Variants in ELL observed in about 807,000 individuals in gnomAD.
ELL encodes elongation factor for RNA polymerase II.
A neutral mutation model predicts 64.0 loss-of-function variants in ELL; 18 were observed. That is an observed-to-expected ratio of 0.28 (90% CI 0.19 to 0.42). The LOEUF (loss-of-function observed/expected upper bound fraction) is 0.42, where lower values mean the gene tolerates loss of function less well. ELL is among the 10% of genes least tolerant of loss of function. ELL has a pLI of 1.00. For synonymous variants in ELL, 399 were observed against 376.2 expected (o/e 1.06, Z -0.70); for missense variants, 797 against 870.4 (o/e 0.92, Z 1.06).
chr19:18,518,549 G>A (rs1976180032), intron 1 of ELL, among the ~76,000 whole-genome samples: 1 of 151,720 alleles, frequency 6.6e-6, no homozygotes, highest in African/African-American at 2.4e-5. Flanking sequence ...CAGCACTTTG[G>A]GAGGCTGAGG....
At chr19:18,480,130 G>A (rs1975266667) in intron 1 of ELL, among the ~76,000 whole-genome samples, 1 of 152,220 alleles carries the variant, frequency 6.6e-6, no homozygotes, top group South Asian at 2.1e-4. Context: ...ACAGAGCTGG[G>A]TCACCCTGCC....
In ELL at chr19:18,522,055, T is replaced by TCTTGCGACCATCTCTCC; in HGVS notation, c.-1_1insGGAGAGATGGTCGCAAG. 6.2e-7 allele frequency: 1 copy of TCTTGCGACCATCTCTCC among 1,600,236 alleles called. No homozygotes were observed. Among genetic ancestry groups the TCTTGCGACCATCTCTCC allele is most frequent in the Non-Finnish European group, 8.5e-7 (1 of 1,172,196 alleles). On this transcript the variant is annotated 5_prime_UTR_variant, in exon 1 of 12. Transcript: ENST00000262809. ...CTCCTATCCTCCTTCAGCGCCGCCA[T>TCTTGCGACCATCTCTCC]CTTGCGACCATCTCTCCCCCGCGCC... is the stretch of plus-strand genomic sequence containing the variant.
intron 8 of ELL, among the ~76,000 whole-genome samples, chr19:18,447,430 G>T (rs1462455570): frequency 1.3e-5 from 2 of 152,244 alleles, no homozygotes; most frequent in Non-Finnish European, 2.9e-5. Context: ...GCAGCTCCAG[G>T]ACAGGGCCAG....
At chr19:18,489,006 T>A (rs192877012) in intron 1 of ELL, among the ~76,000 whole-genome samples, 97 of 152,298 alleles carry the variant, frequency 6.4e-4, no homozygotes, top group African/African-American at 2.2e-3. Flanking sequence ...ACTTCCGTCA[T>A]CCCACCTGCA....
At chr19:18,466,935 C>T (rs1302782381) in intron 2 of ELL, among the ~76,000 whole-genome samples, 2 of 152,204 alleles carry the variant, frequency 1.3e-5, no homozygotes, top group Non-Finnish European at 2.9e-5. Context: ...GCCCCCTCGC[C>T]CCTGCTGAGC....
rs10403297 is a variant in ELL at position 18,479,004 on chromosome 19, C to T, written c.136-6122G>A. ...GAGGAACCTCTCCAGGGCCAGAATCCCCTGATCCTCTCCCCTCCGGCAAAG... is the reference window on the plus strand; with the variant it reads ...GAGGAACCTCTCCAGGGCCAGAATCTCCTGATCCTCTCCCCTCCGGCAAAG... On this transcript the variant is annotated intron_variant, in intron 1 of 11. Coordinates refer to ENST00000262809, the MANE Select transcript of ELL (RefSeq NM_006532.4). Among the ~76,000 whole-genome samples the T allele has an allele frequency of 1.3e-3, 191 of 152,294 alleles. 1 individual carries two copies. The highest frequency in any genetic ancestry group is 4.4e-3 in the African/African-American group (181 of 41,568).
intron 1 of ELL, among the ~76,000 whole-genome samples, chr19:18,478,895 G>C (rs1421249180): frequency 6.6e-6 from 1 of 152,236 alleles, no homozygotes; most frequent in African/African-American, 2.4e-5. Flanking sequence ...TGTAAAGACA[G>C]CAATGCCTTT....
intron 1 of ELL, among the ~76,000 whole-genome samples, chr19:18,506,506 C>G (rs910492258): frequency 7.9e-5 from 12 of 152,198 alleles, no homozygotes; most frequent in Non-Finnish European, 1.5e-5. Context: ...GCAGGAAGTT[C>G]GTTTGAGGTC....
chr19:18,502,144 C>T (rs568470325), intron 1 of ELL, among the ~76,000 whole-genome samples: 3 of 152,142 alleles, frequency 2.0e-5, no homozygotes, highest in Admixed American at 6.5e-5. Flanking sequence ...CACAGCTCCA[C>T]GGGGCAGGAG....
intron 1 of ELL, among the ~76,000 whole-genome samples, chr19:18,488,923 A>G (rs2144951468): frequency 1.3e-5 from 2 of 152,338 alleles, no homozygotes; most frequent in South Asian, 4.1e-4. Flanking sequence ...GGCGCAGGTC[A>G]TGCGTCCTGG....
rs145004902 is a variant in ELL, at chr19:18,516,310, A to T, written c.135+5611T>A. Among the ~76,000 whole-genome samples the T allele has an allele frequency of 2.0e-4, 30 of 151,964 alleles. No homozygotes were observed. In the East Asian group the frequency reaches 5.8e-3, roughly 29 times the overall value. ...GCACCCCTCTACCTCCACTCCCTTC[A>T]CACCCTTCCCTGCGACAGCACACCG... On this transcript the variant is annotated intron_variant, in intron 1 of 11. Transcript: ENST00000262809.
At chr19:18,459,336 T>G (rs565274954) in intron 5 of ELL, among the ~76,000 whole-genome samples, 5 of 152,322 alleles carry the variant, frequency 3.3e-5, no homozygotes, top group African/African-American at 1.2e-4. Flanking sequence ...CCCAGACTGC[T>G]AACAAAGATG....
chr19:18,444,676 A>AT lies in ELL; in HGVS notation c.*75dup. ...TCAGATGAGCATCTTCCTCGGGTTTATTTTTTTAAATAAATCCTCTCTCAC... is the reference window on the plus strand; with the variant it reads ...TCAGATGAGCATCTTCCTCGGGTTTATTTTTTTTAAATAAATCCTCTCTCAC... On this transcript the variant is annotated 3_prime_UTR_variant, in exon 12 of 12. Coordinates refer to ENST00000262809, the MANE Select transcript of ELL (RefSeq NM_006532.4). 2.1e-6 allele frequency: 3 copies of AT among 1,443,450 alleles called. No individual in the cohort carries two copies. Among genetic ancestry groups the AT allele is most frequent in the Non-Finnish European group, 2.8e-6 (3 of 1,071,072 alleles). The allele number at this position is 1,443,450 out of a possible 1,614,324, so 89.4% of individuals were successfully genotyped here. A position where few individuals can be genotyped will look rare whatever the true frequency, so the allele number is the denominator to read the frequency against.
chr19:18,444,948 C>A lies in ELL; in HGVS notation c.1750-80G>T, dbSNP rs923876709. 7 of 1,472,428 alleles carry A rather than the reference C, an allele frequency of 4.8e-6. No homozygotes were observed. In the East Asian group the frequency reaches 6.8e-5, roughly 14 times the overall value. 91.2% of individuals were successfully genotyped at this position (1,472,428 alleles called of 1,614,324 possible). ...GCTGTAAGCAGGCCAGTGTCCCCCC[C>A]AAACCAAAAACCTGGGCTTGGTGCC... On this transcript the variant is annotated intron_variant, in intron 11 of 11. Transcript: ENST00000262809.
At chr19:18,451,010 A>C (rs775417809) in intron 7 of ELL, 35 bp from the exon 8 acceptor site, 4 of 1,493,338 alleles carry the variant, frequency 2.7e-6, no homozygotes, top group Admixed American at 2.3e-5. Context: ...AGAGGGGAGC[A>C]CAGAGTGGCT....
At chr19:18,513,122 A>G (rs1976062072) in intron 1 of ELL, among the ~76,000 whole-genome samples, 1 of 152,166 alleles carries the variant, frequency 6.6e-6, no homozygotes, top group Non-Finnish European at 1.5e-5. Flanking sequence ...AAGAGGAGCA[A>G]GCCAAGCGGG....
At position 18,468,828 on chromosome 19, in the gene ELL, T is replaced by G. The variant is rs78572107; in HGVS notation, c.184-2910A>C. ...TCTGTCACCCTGGCTTCAGGGGAGATGCCACTCAGCAGAGAGCTGGCAGTG... is the reference window on the plus strand; with the variant it reads ...TCTGTCACCCTGGCTTCAGGGGAGAGGCCACTCAGCAGAGAGCTGGCAGTG... On this transcript the variant is annotated intron_variant, in intron 2 of 11. Coordinates refer to ENST00000262809, the MANE Select transcript of ELL (RefSeq NM_006532.4). 1.3e-4 allele frequency among the ~76,000 whole-genome samples: 20 copies of G among 152,272 alleles called. No individual in the cohort carries two copies. In the East Asian group the frequency reaches 3.9e-3, roughly 29 times the overall value.
At chr19:18,491,249 A>ATT (rs565016319) in intron 1 of ELL, among the ~76,000 whole-genome samples, 41 of 72,464 alleles carry the variant, frequency 5.7e-4, no homozygotes, top group Admixed American at 8.8e-4. Flanking sequence ...CACCTGGCTA[A>ATT]TTTTTTTTTT....
chr19:18,509,577 GCACGTGCGCGCGCGCGCACATACA>G (rs1975955929), intron 1 of ELL, among the ~76,000 whole-genome samples: 1 of 136,132 alleles, frequency 7.3e-6, no homozygotes, highest in Non-Finnish European at 1.5e-5. Context: ...ACAGGCCAAT[GCACGTGCGCGCGCGCGCACATACA>G]CACACACACA....
Sources: gnomAD v4.1 joint callset for allele counts (sites outside exome capture counted in the v4.1 genomes callset) on GRCh38, gnomAD v4.1.1 for gene constraint, MANE v1.5 for transcripts, NCBI Gene and HGNC (gene_info 2026-07-23, HGNC 2026-07-21) for gene names.